The following KIAA0825 variants were observed in gnomAD, a reference collection of about 807,000 sequenced individuals.
The protein encoded by KIAA0825 is KIAA0825.
In KIAA0825, 119 loss-of-function variants were observed where a neutral mutation model predicts 147.6. The ratio of observed to expected loss-of-function variants is 0.81; its 90% confidence interval spans 0.69 to 0.94. The LOEUF is 0.94. KIAA0825 is among the 40% of genes least tolerant of loss of function. The pLI is 0.00. For synonymous variants in KIAA0825, 470 were observed against 518.1 expected (o/e 0.91, Z 1.26); for missense variants, 1,381 against 1,472.7 (o/e 0.94, Z 1.02).
intron 2 of KIAA0825, among the ~76,000 whole-genome samples, chr5:94,564,992 TC>T (rs1778367729): frequency 7.4e-6 from 1 of 135,122 alleles, no homozygotes; most frequent in Non-Finnish European, 1.6e-5. Context: ...TCTTCTCTTC[TC>T]CTCTCTCTCT....
Position 94,182,560 on chromosome 5 carries a change from G to A in KIAA0825, c.3711-28436C>T, listed in dbSNP as rs574825678. Among the ~76,000 whole-genome samples, 42 of 151,634 alleles carry A rather than the reference G, an allele frequency of 2.8e-4. 1 individual carries two copies. The highest frequency in any genetic ancestry group is 2.0e-3 in the Admixed American group (30 of 15,202). ...CAGGTGAAAGCCACCATGCCCAGCC[G>A]TAAATGTCCCTTCTTATGCCAAGTT... is the stretch of plus-strand genomic sequence containing the variant. On this transcript the variant is annotated intron_variant, in intron 20 of 20. Coordinates refer to ENST00000682413, the MANE Select transcript of KIAA0825 (RefSeq NM_001145678.3).
chr5:94,323,792 G>A (rs1044749976), intron 20 of KIAA0825, among the ~76,000 whole-genome samples: 1 of 151,642 alleles, frequency 6.6e-6, no homozygotes, highest in African/African-American at 2.4e-5. Flanking sequence ...GGAGATTAGG[G>A]GATAGGGAAA....
At chr5:94,410,636 A>G (rs1895026) in intron 15 of KIAA0825, among the ~76,000 whole-genome samples, 9,022 of 152,290 alleles carry the variant, frequency 0.059, 869 homozygotes, top group African/African-American at 0.21. Context: ...TACTGTAAAT[A>G]TTTCCACTGA....
At chr5:94,158,179 A>C (rs1767214223) in intron 20 of KIAA0825, among the ~76,000 whole-genome samples, 1 of 152,056 alleles carries the variant, frequency 6.6e-6, no homozygotes, top group South Asian at 2.1e-4. Flanking sequence ...CTCATGTATA[A>C]ATATGGTCAC....
intron 20 of KIAA0825, among the ~76,000 whole-genome samples, chr5:94,180,375 G>T (rs1769500212): frequency 6.6e-6 from 1 of 152,094 alleles, no homozygotes; most frequent in South Asian, 2.1e-4. Context: ...TGCTGTCGTA[G>T]ATTGGAAGCA....
chr5:94,494,116 C>T (rs1294113636), intron 5 of KIAA0825, among the ~76,000 whole-genome samples: 1 of 152,094 alleles, frequency 6.6e-6, no homozygotes, highest in East Asian at 1.9e-4. Context: ...TGCTTCTATT[C>T]TTACCCTTTT....
In KIAA0825 at chr5:94,221,352, G is replaced by A. The variant is rs144868138; in HGVS notation, c.3711-67228C>T. Among the ~76,000 whole-genome samples the A allele has an allele frequency of 7.9e-5, 12 of 152,324 alleles. No homozygotes were observed. The East Asian group carries it at 2.3e-3, about 29-fold the overall frequency. On this transcript the variant is annotated intron_variant, in intron 20 of 20. Transcript: ENST00000682413. ...GAAGTAAATGATGTGTATTTCTACA[G>A]TGGCCTTGCAGATGGCTACAAGTTC...
At chr5:94,304,576 CT>C (rs1018240486) in intron 20 of KIAA0825, among the ~76,000 whole-genome samples, 4 of 151,442 alleles carry the variant, frequency 2.6e-5, no homozygotes, top group Middle Eastern at 3.4e-3. Context: ...CAGCCTATAT[CT>C]TTTTTTTTCC....
At chr5:94,462,788 T>C (rs1759996210) in intron 11 of KIAA0825, among the ~76,000 whole-genome samples, 1 of 151,808 alleles carries the variant, frequency 6.6e-6, no homozygotes, top group South Asian at 2.1e-4. Context: ...TTAGGGATGG[T>C]GAGCTCTGTA....
At chr5:94,196,012 A>C (rs1771097832) in intron 20 of KIAA0825, among the ~76,000 whole-genome samples, 1 of 152,148 alleles carries the variant, frequency 6.6e-6, no homozygotes, top group East Asian at 1.9e-4. Context: ...GGTTGCTTCC[A>C]GGCTGTTGGA....
Position 94,379,345 on chromosome 5 carries a change from A to G in KIAA0825, c.3710+5023T>C, listed in dbSNP as rs564438539. On this transcript the variant is annotated intron_variant, in intron 20 of 20. Transcript: ENST00000682413. ...ATGGCTTGCCTGTTATCTTAGCACC[A>G]TTTATTGAATAGTGAATTCTTTACC... 5.3e-5 allele frequency among the ~76,000 whole-genome samples: 8 copies of G among 152,268 alleles called. No homozygotes were observed. In the South Asian group the frequency reaches 1.7e-3, roughly 32 times the overall value.
chr5:94,594,424 C>T, intron 1 of KIAA0825: 2 of 731,326 alleles, frequency 2.7e-6, no homozygotes, highest in South Asian at 1.3e-5. Flanking sequence ...GTTCTTACTC[C>T]TTATTACCAT....
At chr5:94,485,027 A>C in intron 5 of KIAA0825, 97 bp from the exon 6 acceptor site, 1 of 842,324 alleles carries the variant, frequency 1.2e-6, no homozygotes, top group African/African-American at 1.8e-5. Flanking sequence ...TATAAAAACT[A>C]ACAAGTTCCT....
chr5:94,552,493 C>T (rs890742843), intron 2 of KIAA0825, among the ~76,000 whole-genome samples: 3 of 152,128 alleles, frequency 2.0e-5, no homozygotes, highest in African/African-American at 7.2e-5. Flanking sequence ...TTCTTCAGGA[C>T]TGACCATATG....
intron 1 of KIAA0825, among the ~76,000 whole-genome samples, chr5:94,610,773 A>AC (rs1788584345): frequency 7.8e-6 from 1 of 127,536 alleles, no homozygotes; most frequent in African/African-American, 3.3e-5. Flanking sequence ...GCAAAAAAAA[A>AC]AAAAAAAAAA....
intron 3 of KIAA0825, among the ~76,000 whole-genome samples, chr5:94,527,260 G>A (rs988668381): frequency 1.3e-5 from 2 of 151,948 alleles, no homozygotes; most frequent in Non-Finnish European, 2.9e-5. Flanking sequence ...TAGCAGTCCG[G>A]GAGCTGATTA....
chr5:94,359,094 C>T (rs1251276306), intron 20 of KIAA0825, among the ~76,000 whole-genome samples: 3 of 152,160 alleles, frequency 2.0e-5, no homozygotes, highest in African/African-American at 7.2e-5. Flanking sequence ...AATGACTAAG[C>T]ATTCACAAAG....
Position 94,470,091 on chromosome 5 carries a change from A to C in KIAA0825, c.1742T>G (p.Val581Gly), listed in dbSNP as rs1008907708. ...MTKKPIFLVL[V>G]QRYQEFINTL... ...GTTGATGAATTCCTGATATCGTTGG[A>C]CAAGCACCAGGAATATGGGTCTGTT... The change falls in exon 10 of 21, where the codon GTC becomes GGC. Residue 581 changes from valine (V) to glycine (G), a missense_variant. Physicochemically the swap from Val to Gly is moderately radical, Grantham distance 109 (BLOSUM62 -3). Coordinates refer to ENST00000682413, the MANE Select transcript of KIAA0825 (RefSeq NM_001145678.3). 8 of 1,551,544 alleles carry C rather than the reference A, an allele frequency of 5.2e-6. No homozygotes were observed. The highest frequency in any genetic ancestry group is 6.1e-6 in the Non-Finnish European group (7 of 1,146,900).
At chr5:94,419,707 T>C (rs1753925038) in intron 14 of KIAA0825, among the ~76,000 whole-genome samples, 1 of 152,136 alleles carries the variant, frequency 6.6e-6, no homozygotes, top group African/African-American at 2.4e-5. Flanking sequence ...GGCTCAAGGA[T>C]TGTGCAAATA....
Sources: gnomAD v4.1 joint callset for allele counts (sites outside exome capture counted in the v4.1 genomes callset) on GRCh38, gnomAD v4.1.1 for gene constraint, MANE v1.5 for transcripts, NCBI Gene and HGNC (gene_info 2026-07-23, HGNC 2026-07-21) for gene names.